VPS53: variants seen among roughly 807,000 people sequenced by gnomAD.
VPS53 encodes the protein VPS53 subunit of GARP complex, also known as vacuolar protein sorting-associated protein 53 homolog.
A neutral mutation model predicts 107.0 loss-of-function variants in VPS53; 70 were observed. The observed-to-expected ratio is 0.65, with a 90% CI of 0.54 to 0.80. The LOEUF (loss-of-function observed/expected upper bound fraction) is 0.80. Ranked by LOEUF, VPS53 falls within the 30% of genes least tolerant of loss-of-function variation. The pLI, the probability that VPS53 is intolerant of heterozygous loss-of-function variation, is 0.00. For synonymous variants in VPS53, 409 were observed against 393.3 expected, an observed-to-expected ratio of 1.04 and a Z score of -0.47; for missense variants, 917 against 1,049.4, an observed-to-expected ratio of 0.87 and a Z score of 1.74.
intron 7 of VPS53, among the ~76,000 whole-genome samples, chr17:642,659 A>G (rs71355292): frequency 6.7e-6 from 1 of 149,762 alleles, no homozygotes; most frequent in Non-Finnish European, 1.5e-5. Flanking sequence ...TCATACTTGG[A>G]AAGCGAGGAC....
In VPS53 at chr17:547,932, A is replaced by G. The variant is rs1216917586; in HGVS notation, c.1866+3940T>C. On this transcript the variant is annotated intron_variant, in intron 17 of 21. Coordinates refer to ENST00000437048, the MANE Select transcript of VPS53 (RefSeq NM_001128159.3). The stretch of plus-strand genomic sequence containing the variant: ...CTCCTGGCCAACTGTATACTTTAAA[A>G]GGGTGAATTCTGTGGTATATGAATT... Among the ~76,000 whole-genome samples, 5 of 152,324 alleles carry G rather than the reference A, an allele frequency of 3.3e-5. No individual in the cohort carries two copies. In the South Asian group the frequency reaches 1.0e-3, roughly 32 times the overall value.
At chr17:684,580 T>A (rs1473706227) in intron 4 of VPS53, among the ~76,000 whole-genome samples, 1 of 152,218 alleles carries the variant, frequency 6.6e-6, no homozygotes, top group East Asian at 1.9e-4. Context: ...ATATTCCATG[T>A]TCATAGATTG....
chr17:643,754 G>A (rs377144), intron 7 of VPS53, among the ~76,000 whole-genome samples: 4 of 143,728 alleles, frequency 2.8e-5, no homozygotes, highest in Non-Finnish European at 1.5e-5. Context: ...TACTTGGAAA[G>A]CGAGGACAAC....
At chr17:594,668 T>C (rs1967864340) in intron 12 of VPS53, among the ~76,000 whole-genome samples, 1 of 130,476 alleles carries the variant, frequency 7.7e-6, no homozygotes, top group African/African-American at 3.0e-5. Context: ...GATGATGCAC[T>C]CTAGTGTCCC....
chr17:654,967 A>G (rs1567712542), intron 6 of VPS53, among the ~76,000 whole-genome samples: 1 of 152,162 alleles, frequency 6.6e-6, no homozygotes, highest in Non-Finnish European at 1.5e-5. Context: ...AGAGTGGACC[A>G]GGCATCCCTG....
Position 515,450 on chromosome 17 carries a change from C to T in VPS53, c.*3678G>A, listed in dbSNP as rs556197759. 2.6e-5 allele frequency: 4 copies of T among 152,218 alleles called. No homozygotes were observed. The highest frequency in any genetic ancestry group is 2.1e-4 in the South Asian group (1 of 4,824). The allele number at this position is 152,218 out of a possible 1,614,324, so 9.4% of individuals were successfully genotyped here. On this transcript the variant is annotated 3_prime_UTR_variant, in exon 22 of 22. Transcript: ENST00000437048. The stretch of plus-strand genomic sequence containing the variant: ...TTCACCATGTCGGCCAGGCTGGTCT[C>T]GAACTCCTGACCTCACATGATCCAC...
chr17:598,018 C>T (rs1597361418), intron 12 of VPS53, among the ~76,000 whole-genome samples: 1 of 149,546 alleles, frequency 6.7e-6, no homozygotes, highest in Non-Finnish European at 1.5e-5. Flanking sequence ...CCCTCTCATG[C>T]TGAGCCGAAG....
At position 509,818 on chromosome 17, in the gene VPS53, C is replaced by G. The variant is rs529469006; in HGVS notation, c.*9310G>C. ...GGCTCGCCCCTCACTAGCCACATAT[C>G]AAATCCTGACTGGCTAACCCCTCAC... On this transcript the variant is annotated 3_prime_UTR_variant, in exon 22 of 22. Transcript: ENST00000437048. 5.7e-6 allele frequency: 1 copy of G among 175,920 alleles called. No individual in the cohort carries two copies. Among genetic ancestry groups the G allele is most frequent in the African/African-American group, 2.5e-5 (1 of 40,698 alleles). The allele number at this position is 175,920 out of a possible 1,614,324, so 10.9% of individuals were successfully genotyped here. A position where few individuals can be genotyped will look rare whatever the true frequency, so the allele number is the denominator to read the frequency against.
intron 4 of VPS53, among the ~76,000 whole-genome samples, chr17:689,616 G>C (rs758237597): frequency 7.2e-5 from 11 of 151,950 alleles, no homozygotes; most frequent in Non-Finnish European, 1.3e-4. Context: ...TGGGACTACA[G>C]GCACGCACCA....
chr17:540,921 C>T (rs927962088), intron 17 of VPS53, among the ~76,000 whole-genome samples: 7 of 152,216 alleles, frequency 4.6e-5, no homozygotes, highest in Non-Finnish European at 7.3e-5. Context: ...AGAGAGTCTA[C>T]TGTAGCAGGA....
intron 10 of VPS53, among the ~76,000 whole-genome samples, chr17:625,576 G>A (rs563043703): frequency 7.9e-5 from 12 of 152,194 alleles, no homozygotes; most frequent in African/African-American, 2.9e-4. Context: ...ATGTGTCCGT[G>A]TAGTTTCATG....
chr17:703,374 G>A lies in VPS53; in HGVS notation c.169-3994C>T, dbSNP rs60021650. Among the ~76,000 whole-genome samples the A allele has an allele frequency of 2.5e-3, 378 of 149,620 alleles. 3 individuals are homozygous for A. The highest frequency in any genetic ancestry group is 8.9e-3 in the African/African-American group (357 of 40,176). On this transcript the variant is annotated intron_variant, in intron 2 of 21. Transcript: ENST00000437048. ...TCTTACTCTAGCATCTACCTCTAAC[G>A]CAATGATTCTTGACCTAATTTTCCT...
At chr17:560,709 G>T in intron 14 of VPS53, 136 bp from the exon 15 acceptor site, 1 of 1,001,902 alleles carries the variant, frequency 1.0e-6, no homozygotes, top group Non-Finnish European at 1.4e-6. Flanking sequence ...CATACAATGA[G>T]TCCTTTTCCT....
intron 14 of VPS53, among the ~76,000 whole-genome samples, chr17:561,019 A>G (rs759975): frequency 0.82 from 124,577 of 151,302 alleles, 51,595 homozygotes; most frequent in African/African-American, 0.91. Context: ...TCTGCACTGG[A>G]ACTCATGTGT....
chr17:690,345 C>T (rs1283204453), intron 4 of VPS53, among the ~76,000 whole-genome samples: 1 of 152,190 alleles, frequency 6.6e-6, no homozygotes, highest in Non-Finnish European at 1.5e-5. Flanking sequence ...ACAGTACTGG[C>T]CCACAGATGT....
chr17:661,487 CTCCA>C (rs1429287933), intron 5 of VPS53, among the ~76,000 whole-genome samples: 1 of 147,688 alleles, frequency 6.8e-6, no homozygotes, highest in Admixed American at 6.9e-5. Context: ...CACCACTGCA[CTCCA>C]AGGCTGGCGA....
intron 17 of VPS53, among the ~76,000 whole-genome samples, chr17:550,815 G>A (rs1911751663): frequency 6.6e-6 from 1 of 151,482 alleles, no homozygotes; most frequent in Admixed American, 6.6e-5. Flanking sequence ...CGCTCAGTAA[G>A]TGCCAAAGGA....
intron 16 of VPS53, 54 bp from the exon 17 acceptor site, chr17:552,004 T>C (rs988184708): frequency 9.5e-6 from 14 of 1,473,908 alleles, no homozygotes; most frequent in Non-Finnish European, 1.3e-5. Context: ...GCCGTCTGAA[T>C]GACTGACACT....
At position 512,791 on chromosome 17, in the gene VPS53, G is replaced by A. The variant is rs939707583; in HGVS notation, c.*6337C>T. On this transcript the variant is annotated 3_prime_UTR_variant, in exon 22 of 22. Transcript: ENST00000437048. Reference sequence around the variant, plus strand: ...ACAGGATGGACTCATGCGTGCAGGAGAGAAATCACTAAAGGACACAAGACT... The same window carrying A: ...ACAGGATGGACTCATGCGTGCAGGAAAGAAATCACTAAAGGACACAAGACT... The A allele has an allele frequency of 1.3e-5, 2 of 152,100 alleles. No individual in the cohort carries two copies. The highest frequency in any genetic ancestry group is 4.8e-5 in the African/African-American group (2 of 41,404). The allele number at this position is 152,100 out of a possible 1,614,324, so 9.4% of individuals were successfully genotyped here.
Sources: gnomAD v4.1 joint callset for allele counts (sites outside exome capture counted in the v4.1 genomes callset) on GRCh38, gnomAD v4.1.1 for gene constraint, MANE v1.5 for transcripts, NCBI Gene and HGNC (gene_info 2026-07-23, HGNC 2026-07-21) for gene names.